Variants in NPAS3 observed in about 807,000 individuals in gnomAD.
NPAS3 encodes the protein neuronal PAS domain protein 3, also known as neuronal PAS domain-containing protein 3.
A neutral mutation model predicts 73.1 loss-of-function variants in NPAS3; 14 were observed. The ratio of observed to expected loss-of-function variants is 0.19; its 90% CI spans 0.13 to 0.30. The LOEUF (loss-of-function observed/expected upper bound fraction) is 0.30. NPAS3 is among the 10% of genes least tolerant of loss of function. The pLI, the probability that NPAS3 is intolerant of heterozygous loss-of-function variation, is 1.00. For missense variants in NPAS3, 1,096 were observed against 1,250.0 expected, an observed-to-expected ratio of 0.88 and a Z score of 1.86; for synonymous variants, 620 against 541.5, an observed-to-expected ratio of 1.14 and a Z score of -2.01.
intron 4 of NPAS3, among the ~76,000 whole-genome samples, chr14:33,525,491 A>G (rs1432535353): frequency 1.3e-5 from 2 of 152,210 alleles, no homozygotes; most frequent in East Asian, 3.9e-4. Flanking sequence ...TATTATTTCA[A>G]GTTAGTTCTT....
At chr14:33,678,862 A>G (rs555096417) in intron 6 of NPAS3, among the ~76,000 whole-genome samples, 1 of 152,300 alleles carries the variant, frequency 6.6e-6, no homozygotes, top group South Asian at 2.1e-4. Flanking sequence ...AAGAACTCTC[A>G]TAAATCCCAT....
At chr14:33,119,409 G>C (rs1490387978) in intron 2 of NPAS3, among the ~76,000 whole-genome samples, 2 of 152,080 alleles carry the variant, frequency 1.3e-5, no homozygotes, top group African/African-American at 4.8e-5. Context: ...TTTAGTGGAG[G>C]AGGGAGGAAA....
intron 4 of NPAS3, among the ~76,000 whole-genome samples, chr14:33,461,465 C>G (rs2050261762): frequency 6.6e-6 from 1 of 152,098 alleles, no homozygotes; most frequent in Non-Finnish European, 1.5e-5. Flanking sequence ...ATAGCTAACA[C>G]CTAGATAGAC....
chr14:33,565,896 T>A (rs1045121638), intron 5 of NPAS3, among the ~76,000 whole-genome samples: 12 of 151,900 alleles, frequency 7.9e-5, no homozygotes, highest in African/African-American at 9.7e-5. Context: ...TTAATTTTTT[T>A]AAAAAAAAGC....
chr14:33,682,554 T>C (rs1467896776), intron 6 of NPAS3, among the ~76,000 whole-genome samples: 1 of 152,188 alleles, frequency 6.6e-6, no homozygotes, highest in Non-Finnish European at 1.5e-5. Context: ...AGAATGATTC[T>C]TTTGCCTCAA....
chr14:33,011,501 G>A (rs1486582762), intron 1 of NPAS3, among the ~76,000 whole-genome samples: 1 of 152,072 alleles, frequency 6.6e-6, no homozygotes, highest in African/African-American at 2.4e-5. Context: ...ACAGAGACTT[G>A]TGGAGAACAT....
At chr14:33,082,263 A>G (rs775648670) in intron 2 of NPAS3, among the ~76,000 whole-genome samples, 1 of 152,208 alleles carries the variant, frequency 6.6e-6, no homozygotes, top group Admixed American at 6.5e-5. Flanking sequence ...CATAAGGCCT[A>G]GTTGTAAGAA....
At chr14:32,983,175 C>T (rs528154923) in intron 1 of NPAS3, among the ~76,000 whole-genome samples, 11 of 152,126 alleles carry the variant, frequency 7.2e-5, no homozygotes, top group Admixed American at 5.2e-4. Flanking sequence ...ATATATGCCC[C>T]ATTAAAGACT....
At chr14:33,000,141 C>T (rs1484036124) in intron 1 of NPAS3, among the ~76,000 whole-genome samples, 1 of 152,076 alleles carries the variant, frequency 6.6e-6, no homozygotes, top group Non-Finnish European at 1.5e-5. Context: ...TGGAGAGTGT[C>T]AACAGCCTCT....
chr14:33,090,132 A>G (rs1424341007), intron 2 of NPAS3, among the ~76,000 whole-genome samples: 15 of 152,244 alleles, frequency 9.9e-5, no homozygotes, highest in Non-Finnish European at 2.1e-4. Context: ...TGACAGGATC[A>G]GGTTCACACA....
At chr14:33,264,813 C>A (rs1354357273) in intron 3 of NPAS3, among the ~76,000 whole-genome samples, 1 of 152,158 alleles carries the variant, frequency 6.6e-6, no homozygotes, top group African/African-American at 2.4e-5. Flanking sequence ...TTGCCTCCCA[C>A]TTCATCAGGG....
In NPAS3 at chr14:33,483,243, C is replaced by T. The variant is rs114210777; in HGVS notation, c.469-76878C>T. 3.3e-3 allele frequency among the ~76,000 whole-genome samples: 498 copies of T among 152,254 alleles called. 3 individuals carry two copies. Among genetic ancestry groups the T allele is most frequent in the African/African-American group, 0.011 (477 of 41,554 alleles). On this transcript the variant is annotated intron_variant, in intron 4 of 11. Transcript: ENST00000356141. ...AAAAATGACTCCCATCTTTGAGTGG[C>T]TCAGCTCTGTGTCCTGGTGGTCAGT...
chr14:33,591,914 G>C (rs1413091407), intron 5 of NPAS3, among the ~76,000 whole-genome samples: 1 of 152,162 alleles, frequency 6.6e-6, no homozygotes, highest in East Asian at 1.9e-4. Context: ...AAGAAACCAT[G>C]TGCATCTTGA....
intron 5 of NPAS3, among the ~76,000 whole-genome samples, chr14:33,657,980 G>A (rs116030000): frequency 0.015 from 2,320 of 152,248 alleles, 56 homozygotes; most frequent in African/African-American, 0.053. Context: ...AATCTTAGGT[G>A]TCGATTTTCT....
At chr14:33,353,986 C>G (rs1275618421) in intron 3 of NPAS3, among the ~76,000 whole-genome samples, 1 of 152,076 alleles carries the variant, frequency 6.6e-6, no homozygotes, top group African/African-American at 2.4e-5. Context: ...GGGCACCACA[C>G]CATGGTACAT....
At chr14:33,458,485 G>A (rs1279300133) in intron 4 of NPAS3, among the ~76,000 whole-genome samples, 1 of 152,176 alleles carries the variant, frequency 6.6e-6, no homozygotes, top group Non-Finnish European at 1.5e-5. Flanking sequence ...AGTTCTGTGA[G>A]CAAAGTTTTA....
chr14:33,399,335 A>G (rs1180787708), intron 4 of NPAS3, among the ~76,000 whole-genome samples: 2 of 151,732 alleles, frequency 1.3e-5, no homozygotes, highest in Non-Finnish European at 2.9e-5. Flanking sequence ...TTTTTTTCTT[A>G]AGGAACATGG....
chr14:33,340,062 G>A (rs1003284733), intron 3 of NPAS3, among the ~76,000 whole-genome samples: 1 of 152,126 alleles, frequency 6.6e-6, no homozygotes, highest in African/African-American at 2.4e-5. Context: ...ATTCCTATTG[G>A]TGATACCTAT....
intron 6 of NPAS3, among the ~76,000 whole-genome samples, chr14:33,729,474 C>CT (rs1306186694): frequency 6.6e-6 from 1 of 152,114 alleles, no homozygotes; most frequent in African/African-American, 2.4e-5. Context: ...GATCTAGGAG[C>CT]AGCTGATCTG....
Sources: allele counts gnomAD v4.1 joint callset (sites outside exome capture counted in the v4.1 genomes callset), GRCh38; gene constraint gnomAD v4.1.1; transcripts MANE v1.5; gene names NCBI Gene and HGNC (gene_info 2026-07-23, HGNC 2026-07-21).